Variants in CSF1 observed in about 807,000 individuals in gnomAD.
CSF1 encodes the protein colony stimulating factor 1, also known as macrophage colony-stimulating factor 1.
CSF1 carries 9 observed loss-of-function variants against 48.9 expected under a neutral mutation model. That is an observed-to-expected ratio of 0.18 (90% confidence interval 0.11 to 0.32). CSF1 has a LOEUF of 0.32. Among genes scored for constraint, CSF1 ranks in the 10% least tolerant of loss-of-function variants. The pLI, the probability that CSF1 is intolerant of heterozygous loss-of-function variation, is 1.00. For synonymous variants in CSF1, 305 were observed against 284.1 expected (o/e 1.07, Z -0.74); for missense variants, 672 against 697.9 (o/e 0.96, Z 0.42).
intron 1 of CSF1, among the ~76,000 whole-genome samples, chr1:109,912,805 G>A (rs2101638701): frequency 6.6e-6 from 1 of 152,226 alleles, no homozygotes; most frequent in East Asian, 1.9e-4. Context: ...GAGTACCTGG[G>A]CCATTATTCC....
At chr1:109,925,763 AG>A (rs1370917937) in intron 8 of CSF1, among the ~76,000 whole-genome samples, 2 of 152,090 alleles carry the variant, frequency 1.3e-5, no homozygotes, top group African/African-American at 2.4e-5. Flanking sequence ...CCCACCCCAA[AG>A]GGACTGCCCC....
At chr1:109,924,888 C>A in intron 7 of CSF1, 60 bp downstream of exon 7, 2 of 1,528,138 alleles carry the variant, frequency 1.3e-6, no homozygotes, top group Non-Finnish European at 9.0e-7. Context: ...ATCTGTTTCC[C>A]CTCTTCGTGG....
chr1:109,923,914 G>A lies in CSF1; in HGVS notation c.1293G>A (p.Ser431=), dbSNP rs564702466. The A allele has an allele frequency of 1.8e-5, 29 of 1,614,088 alleles. No homozygotes were observed. The highest frequency in any genetic ancestry group is 1.0e-4 in the Admixed American group (6 of 60,028). ...AQPQLSRSHS[S]GSVLPLGELE... ...CACAGCTTTCCAGAAGCCACTCCTC[G>A]GGCAGCGTGCTGCCCCTTGGGGAGC... Residue 431 remains serine (S), a synonymous_variant, in exon 6 of 9, where the codon TCG becomes TCA. Transcript: ENST00000329608.
At position 109,923,168 on chromosome 1, in the gene CSF1, G is replaced by A. The variant is rs886182841; in HGVS notation, c.547G>A (p.Val183Met). ...CCTTCTCTCTGTGGTTCTTTCAGATGTGGTGACCAAGCCTGATTGCAACTG... is the reference window on the plus strand; with the variant it reads ...CCTTCTCTCTGTGGTTCTTTCAGATATGGTGACCAAGCCTGATTGCAACTG... ...NSFAECSSQD[V>M]VTKPDCNCLY... is the part of the protein sequence containing the mutation. Residue 183 changes from valine to methionine, a missense_variant and splice_region_variant, in exon 6 of 9, where the codon GTG (valine) becomes ATG (methionine). Around this residue, in one of 3 missense-constraint regions of CSF1, gnomAD observed 591 missense variants for 593.6 expected, o/e 1.00. Transcript: ENST00000329608. The A allele has an allele frequency of 1.3e-6, 2 of 1,512,366 alleles. No homozygotes were observed. The highest frequency in any genetic ancestry group is 1.8e-4 in the Middle Eastern group (1 of 5,584). The allele number at this position is 1,512,366 out of a possible 1,614,324, so 93.7% of individuals were successfully genotyped here. A position where few individuals can be genotyped will look rare whatever the true frequency, so the allele number is the denominator to read the frequency against.
chr1:109,916,967 A>T (rs898746527), intron 3 of CSF1, among the ~76,000 whole-genome samples: 2 of 152,156 alleles, frequency 1.3e-5, no homozygotes, highest in African/African-American at 4.8e-5. Flanking sequence ...CAAGAGGAAG[A>T]CAGAAAGAAA....
At chr1:109,924,724 G>A (rs570006765) in intron 6 of CSF1, 52 bp from the exon 7 acceptor site, 36 of 1,517,394 alleles carry the variant, frequency 2.4e-5, no homozygotes, top group Non-Finnish European at 3.0e-5. Flanking sequence ...ATGGGCCACC[G>A]CCCCCCCACA....
rs1208529423 is a variant in CSF1, at chr1:109,930,391, C to T, written c.*1553C>T. 1.1e-4 allele frequency: 17 copies of T among 152,380 alleles called. No homozygotes were observed. 9.4% of individuals were successfully genotyped at this position (152,380 alleles called of 1,614,324 possible). ...CCTAGGCAACGAGCGACAGGGCTGCCAGTTGCCCCTGGGTTCCTTTGTGCT... is the reference window on the plus strand; with the variant it reads ...CCTAGGCAACGAGCGACAGGGCTGCTAGTTGCCCCTGGGTTCCTTTGTGCT... On this transcript the variant is annotated 3_prime_UTR_variant, in exon 9 of 9. Transcript: ENST00000329608.
At position 109,914,260 on chromosome 1, in the gene CSF1, C is replaced by T; in HGVS notation, c.41C>T (p.Thr14Ile). The T allele has an allele frequency of 6.2e-7, 1 of 1,601,812 alleles. No homozygotes were observed. The highest frequency in any genetic ancestry group is 8.5e-7 in the Non-Finnish European group (1 of 1,173,606). Residue 14 changes from threonine (T) to isoleucine (I), a missense_variant and splice_region_variant, in exon 2 of 9, where the codon ACA becomes ATA. Thr to Ile is a moderately conservative substitution (Grantham distance 89). This residue lies in a region of CSF1 where 53 missense variants were observed against 45.5 expected (regional missense o/e 1.17). Coordinates refer to ENST00000329608, the MANE Select transcript of CSF1 (RefSeq NM_000757.6). ...PGAAGRCPPT[T>I]WLGSLLLLVC... Reference sequence around the variant, plus strand: ...GAAATGACACCCTCTCTGTCACAGACATGGCTGGGCTCCCTGCTGTTGTTG... The same window carrying T: ...GAAATGACACCCTCTCTGTCACAGATATGGCTGGGCTCCCTGCTGTTGTTG...
intron 3 of CSF1, among the ~76,000 whole-genome samples, chr1:109,916,805 C>G (rs1164629380): frequency 6.6e-6 from 1 of 152,148 alleles, no homozygotes; most frequent in African/African-American, 2.4e-5. Flanking sequence ...GGGTAGAGAG[C>G]TAAAGCAGAG....
intron 8 of CSF1, chr1:109,926,591 C>G (rs1647850880): frequency 1.3e-5 from 2 of 148,848 alleles, no homozygotes; most frequent in African/African-American, 5.0e-5. Flanking sequence ...CCCCCGCCAA[C>G]CCCAGCTGGC....
chr1:109,925,414 C>G (rs1647801375), intron 8 of CSF1, among the ~76,000 whole-genome samples: 1 of 152,132 alleles, frequency 6.6e-6, no homozygotes, highest in Non-Finnish European at 1.5e-5. Flanking sequence ...CCATCCACCC[C>G]CGCTGAGGCC....
In CSF1 at chr1:109,924,844, G is replaced by A. The variant is rs376488512; in HGVS notation, c.1622+16G>A. On this transcript the variant is annotated intron_variant, in intron 7 of 8. Transcript: ENST00000329608. ...CAGAGGGCAGGTGAGAGCTTGAGGTGGGGCTCTGGGAGGCACTGGGGGCCT... is the reference window on the plus strand; with the variant it reads ...CAGAGGGCAGGTGAGAGCTTGAGGTAGGGCTCTGGGAGGCACTGGGGGCCT... The A allele has an allele frequency of 1.9e-6, 3 of 1,603,828 alleles. No homozygotes were observed. The highest frequency in any genetic ancestry group is 2.7e-5 in the African/African-American group (2 of 74,672).
At chr1:109,922,053 G>A in intron 5 of CSF1, 59 bp downstream of exon 5, 1 of 1,521,522 alleles carries the variant, frequency 6.6e-7, no homozygotes, top group Non-Finnish European at 8.8e-7. Flanking sequence ...ATGGGGATTG[G>A]GAGGTGAGAT....
intron 1 of CSF1, among the ~76,000 whole-genome samples, chr1:109,913,662 C>T (rs977872589): frequency 6.6e-6 from 1 of 152,222 alleles, no homozygotes; most frequent in Non-Finnish European, 1.5e-5. Context: ...CAGCTGGGCT[C>T]CTTTTGAAAC....
At chr1:109,915,938 C>A (rs1654881412) in intron 3 of CSF1, among the ~76,000 whole-genome samples, 1 of 152,176 alleles carries the variant, frequency 6.6e-6, no homozygotes, top group Non-Finnish European at 1.5e-5. Flanking sequence ...TAATGTAGTT[C>A]TGACAGTACC....
intron 1 of CSF1, among the ~76,000 whole-genome samples, chr1:109,913,353 G>A (rs1654770203): frequency 6.6e-6 from 1 of 152,228 alleles, no homozygotes; most frequent in African/African-American, 2.4e-5. Flanking sequence ...AAGCCCAAGA[G>A]TCTGTCTGCT....
chr1:109,911,301 G>A (rs1654673532), intron 1 of CSF1, among the ~76,000 whole-genome samples: 1 of 152,186 alleles, frequency 6.6e-6, no homozygotes, highest in East Asian at 1.9e-4. Context: ...ACGGAGGGCT[G>A]CTCACCCCAT....
At chr1:109,920,658 G>A (rs1274458182) in intron 4 of CSF1, among the ~76,000 whole-genome samples, 3 of 152,170 alleles carry the variant, frequency 2.0e-5, no homozygotes, top group Non-Finnish European at 4.4e-5. Context: ...CATAGGCCAG[G>A]GAGATGCGGC....
chr1:109,919,456 C>G (rs959595451), intron 4 of CSF1, among the ~76,000 whole-genome samples: 4 of 152,150 alleles, frequency 2.6e-5, no homozygotes, highest in African/African-American at 9.7e-5. Context: ...CTCAAACTCC[C>G]AGGCTCAAGC....
Sources: allele counts gnomAD v4.1 joint callset (sites outside exome capture counted in the v4.1 genomes callset), GRCh38; gene constraint gnomAD v4.1.1; regional missense constraint gnomAD v4.1.1; transcripts MANE v1.5; gene names NCBI Gene and HGNC (gene_info 2026-07-23, HGNC 2026-07-21).